PALS1: variants seen among roughly 807,000 people sequenced by gnomAD.
PALS1 encodes protein associated with LIN7 1, MAGUK p55 family member, also known as protein PALS1.
In PALS1, 31 loss-of-function variants were observed where a neutral mutation model predicts 78.9. The ratio of observed to expected loss-of-function variants is 0.39; its 90% CI spans 0.30 to 0.53. The LOEUF is 0.53. Ranked by LOEUF, PALS1 falls within the 20% of genes least tolerant of loss-of-function variation. PALS1 has a pLI of 0.67. For missense variants in PALS1, 704 were observed against 826.5 expected, an observed-to-expected ratio of 0.85 and a Z score of 1.82; for synonymous variants, 276 against 270.9, an observed-to-expected ratio of 1.02 and a Z score of -0.18.
At chr14:67,244,558 A>G (rs1202039739) in intron 1 of PALS1, among the ~76,000 whole-genome samples, 1 of 152,234 alleles carries the variant, frequency 6.6e-6, no homozygotes, top group African/African-American at 2.4e-5. Context: ...CTGTGCAACT[A>G]CCACAATCAA....
rs114147567 is a variant in PALS1, at chr14:67,249,584, A to G, written c.-237+8051A>G. Among the ~76,000 whole-genome samples the G allele has an allele frequency of 3.8e-3, 584 of 152,370 alleles. 6 individuals are homozygous for G. Among genetic ancestry groups the G allele is most frequent in the African/African-American group, 0.013 (541 of 41,596 alleles). ...GGAGAGTCAGGTTTTTACAGTTTGTAGTATATCTAATAAGTTCAAATATTA... is the reference window on the plus strand; with the variant it reads ...GGAGAGTCAGGTTTTTACAGTTTGTGGTATATCTAATAAGTTCAAATATTA... On this transcript the variant is annotated intron_variant, in intron 1 of 14. Transcript: ENST00000261681.
intron 9 of PALS1, among the ~76,000 whole-genome samples, chr14:67,315,343 C>T (rs965796699): frequency 1.7e-4 from 22 of 131,534 alleles, no homozygotes; most frequent in Non-Finnish European, 3.2e-4. Flanking sequence ...GTGGCATGAT[C>T]TCAGCTCACT....
intron 2 of PALS1, among the ~76,000 whole-genome samples, 190 bp from the exon 3 acceptor site, chr14:67,278,828 T>C (rs753158809): frequency 6.6e-6 from 1 of 152,148 alleles, no homozygotes; most frequent in Non-Finnish European, 1.5e-5. Context: ...GGAAAGGGAC[T>C]TTTTGGGGGA....
chr14:67,323,436 G>A (rs2085298177), intron 13 of PALS1, among the ~76,000 whole-genome samples: 1 of 151,508 alleles, frequency 6.6e-6, no homozygotes, highest in Admixed American at 6.6e-5. Context: ...ACAACAAAGC[G>A]AGATCCTGTC....
chr14:67,327,461 G>A (rs920895769), intron 14 of PALS1, among the ~76,000 whole-genome samples: 1 of 151,906 alleles, frequency 6.6e-6, no homozygotes, highest in African/African-American at 2.4e-5. Flanking sequence ...GGTGTGGGGG[G>A]AAGGTTTTAA....
chr14:67,327,952 T>G (rs575318395), intron 14 of PALS1, among the ~76,000 whole-genome samples: 12 of 152,356 alleles, frequency 7.9e-5, no homozygotes, highest in African/African-American at 2.6e-4. Context: ...TACGTGTGCA[T>G]GTGTCTTTAT....
In PALS1 at chr14:67,268,736, C is replaced by T. The variant is rs371635533; in HGVS notation, c.-236-965C>T. Among the ~76,000 whole-genome samples, 43 of 152,254 alleles carry T rather than the reference C, an allele frequency of 2.8e-4. No homozygotes were observed. The East Asian group carries it at 4.1e-3, about 14-fold the overall frequency. ...GTCGGGATTTGCCTCGCTTCTTTAC[C>T]CCAACCTGTTTTGTCAGCAGGGCCT... On this transcript the variant is annotated intron_variant, in intron 1 of 14. Coordinates refer to ENST00000261681, the MANE Select transcript of PALS1 (RefSeq NM_022474.4).
intron 3 of PALS1, among the ~76,000 whole-genome samples, chr14:67,285,061 A>G (rs545783371): frequency 6.6e-6 from 1 of 152,266 alleles, no homozygotes; most frequent in East Asian, 1.9e-4. Flanking sequence ...TTCCACAGGT[A>G]GATGTACTGG....
rs566931716 is a variant in PALS1 at position 67,335,238 on chromosome 14, T to C, written c.*2282T>C. On this transcript the variant is annotated 3_prime_UTR_variant, in exon 15 of 15. Coordinates refer to ENST00000261681, the MANE Select transcript of PALS1 (RefSeq NM_022474.4). The stretch of plus-strand genomic sequence containing the variant: ...TCCTAGTGATGAGGATGTGCTGATA[T>C]TCAACATAGTCCTTAAAGTGAAAAC... 3.3e-5 allele frequency: 5 copies of C among 152,222 alleles called. No individual in the cohort carries two copies. The allele number at this position is 152,222 out of a possible 1,614,324, so 9.4% of individuals were successfully genotyped here.
At chr14:67,290,538 T>G (rs1433958038) in intron 3 of PALS1, among the ~76,000 whole-genome samples, 1 of 152,198 alleles carries the variant, frequency 6.6e-6, no homozygotes, top group Non-Finnish European at 1.5e-5. Context: ...CCACAATGCC[T>G]GGCTAATATT....
chr14:67,310,049 T>C (rs2085065024), intron 8 of PALS1, among the ~76,000 whole-genome samples: 1 of 147,598 alleles, frequency 6.8e-6, no homozygotes, highest in South Asian at 2.2e-4. Flanking sequence ...ATTGATAGGA[T>C]GGTGCTCAAG....
chr14:67,267,139 T>G (rs1048556868), intron 1 of PALS1, among the ~76,000 whole-genome samples: 3 of 152,120 alleles, frequency 2.0e-5, no homozygotes, highest in African/African-American at 7.2e-5. Flanking sequence ...AATATAAATT[T>G]GGTTTCTTTG....
At chr14:67,268,770 T>A (rs759817000) in intron 1 of PALS1, among the ~76,000 whole-genome samples, 3 of 152,198 alleles carry the variant, frequency 2.0e-5, no homozygotes, top group South Asian at 2.1e-4. Flanking sequence ...CTTTGTGACC[T>A]GACTTTGTGC....
chr14:67,315,695 C>A (rs1198813564), intron 9 of PALS1, among the ~76,000 whole-genome samples: 2 of 152,182 alleles, frequency 1.3e-5, no homozygotes, highest in African/African-American at 4.8e-5. Flanking sequence ...GGAGGCCAAG[C>A]AGGAGGATCA....
chr14:67,267,165 G>T (rs1158873001), intron 1 of PALS1, among the ~76,000 whole-genome samples: 2 of 152,054 alleles, frequency 1.3e-5, no homozygotes, highest in Non-Finnish European at 2.9e-5. Context: ...TAATTTACAT[G>T]CAACAAGATG....
intron 1 of PALS1, among the ~76,000 whole-genome samples, chr14:67,243,346 C>G (rs532687707): frequency 1.3e-5 from 2 of 151,894 alleles, no homozygotes; most frequent in East Asian, 3.9e-4. Flanking sequence ...CGCCACCACA[C>G]CTGGCTAATT....
chr14:67,311,790 C>G (rs562994839), intron 8 of PALS1, among the ~76,000 whole-genome samples: 1 of 151,978 alleles, frequency 6.6e-6, no homozygotes. Flanking sequence ...TAACTTGTAC[C>G]GTTAATAATA....
Position 67,279,139 on chromosome 14 carries a change from A to G in PALS1, c.-32A>G. The G allele has an allele frequency of 6.6e-7, 1 of 1,506,752 alleles. No homozygotes were observed. Among genetic ancestry groups the G allele is most frequent in the Non-Finnish European group, 8.8e-7 (1 of 1,131,366 alleles). The allele number at this position is 1,506,752 out of a possible 1,614,324, so 93.3% of individuals were successfully genotyped here. On this transcript the variant is annotated 5_prime_UTR_variant, in exon 3 of 15. Coordinates refer to ENST00000261681, the MANE Select transcript of PALS1 (RefSeq NM_022474.4). Reference sequence around the variant, plus strand: ...ATTGGCTTATAGGAAAAATTGATTTATAAAAAGTGGTACAGGTTTTCATAG... The same window carrying G: ...ATTGGCTTATAGGAAAAATTGATTTGTAAAAAGTGGTACAGGTTTTCATAG...
At chr14:67,280,222 C>A (rs1191027628) in intron 3 of PALS1, among the ~76,000 whole-genome samples, 4 of 152,196 alleles carry the variant, frequency 2.6e-5, no homozygotes. Context: ...AGATTGATAT[C>A]AAATGCATGT....
Sources: gnomAD v4.1 joint callset for allele counts (sites outside exome capture counted in the v4.1 genomes callset) on GRCh38, gnomAD v4.1.1 for gene constraint, MANE v1.5 for transcripts, NCBI Gene and HGNC (gene_info 2026-07-23, HGNC 2026-07-21) for gene names.